HMCN1: variants seen among roughly 807,000 people sequenced by gnomAD.
HMCN1 encodes hemicentin 1.
Under a neutral mutation model 625.9 loss-of-function variants are expected in HMCN1, and 321 were observed. The observed-to-expected ratio is 0.51, with a 90% CI of 0.47 to 0.56. The LOEUF (loss-of-function observed/expected upper bound fraction) is 0.56. Among genes scored for constraint, HMCN1 ranks in the 20% least tolerant of loss-of-function variants. The probability of loss-of-function intolerance (pLI) is 0.00; values close to 1 mark genes in which losing one functional copy is unlikely to be tolerated. For missense variants in HMCN1, 6,588 were observed against 6,887.3 expected (o/e 0.96, Z 1.54); for synonymous variants, 2,425 against 2,417.6 (o/e 1.00, Z -0.09).
intron 42 of HMCN1, among the ~76,000 whole-genome samples, chr1:186,052,138 TAA>T (rs1473256033): frequency 6.6e-6 from 1 of 151,358 alleles, no homozygotes. Flanking sequence ...TTACAGATGG[TAA>T]AAAGAGAGAG....
chr1:185,758,335 T>C (rs185619862), intron 1 of HMCN1, among the ~76,000 whole-genome samples: 1 of 152,294 alleles, frequency 6.6e-6, no homozygotes, highest in African/African-American at 2.4e-5. Context: ...ATGACATTCA[T>C]GATTTAAAAC....
intron 50 of HMCN1, 100 bp from the exon 51 acceptor site, chr1:186,069,563 A>G: frequency 1.3e-6 from 1 of 761,622 alleles, no homozygotes; most frequent in East Asian, 2.7e-5. Context: ...CATATGTAAA[A>G]AGAAATATGT....
At chr1:186,132,276 T>C (rs1661978554) in intron 85 of HMCN1, 52 bp from the exon 86 acceptor site, 3 of 1,270,436 alleles carry the variant, frequency 2.4e-6, no homozygotes, top group Non-Finnish European at 3.4e-6. Flanking sequence ...AAAAAGTGAT[T>C]GCCCTGCTCT....
At position 185,963,872 on chromosome 1, in the gene HMCN1, A is replaced by G. The variant is rs998676804; in HGVS notation, c.2075A>G (p.Gln692Arg). The G allele has an allele frequency of 3.1e-6, 5 of 1,612,326 alleles. No individual in the cohort carries two copies. Among genetic ancestry groups the G allele is most frequent in the Non-Finnish European group, 4.2e-6 (5 of 1,178,600 alleles). ...LASNSAGTDK[Q>R]NSTLRYIEAP... The stretch of plus-strand genomic sequence containing the variant: ...AGTAATTCAGCTGGAACAGATAAAC[A>G]GAATTCTACTCTCAGATACATTGGC... The change falls in exon 13 of 107, where the codon CAG becomes CGG. Residue 692 changes from glutamine to arginine, a missense_variant. Physicochemically the swap from Gln to Arg is conservative, Grantham distance 43. Around this residue, in one of 3 missense-constraint regions of HMCN1, gnomAD observed 4,628 missense variants for 4,853.1 expected, o/e 0.95. Transcript: ENST00000271588.
At chr1:185,749,718 G>A (rs1654664375) in intron 1 of HMCN1, among the ~76,000 whole-genome samples, 1 of 152,192 alleles carries the variant, frequency 6.6e-6, no homozygotes, top group Non-Finnish European at 1.5e-5. Flanking sequence ...TCTAGCCTGA[G>A]CCACTTTAAC....
chr1:185,804,102 G>C (rs1300137778), intron 1 of HMCN1, among the ~76,000 whole-genome samples: 1 of 151,926 alleles, frequency 6.6e-6, no homozygotes, highest in African/African-American at 2.4e-5. Flanking sequence ...GAGTTTACTA[G>C]TCAGATTTTT....
intron 85 of HMCN1, among the ~76,000 whole-genome samples, chr1:186,131,992 A>G (rs1661961883): frequency 6.6e-6 from 1 of 152,042 alleles, no homozygotes; most frequent in African/African-American, 2.4e-5. Context: ...TAGCATTAGT[A>G]TTTTTCTTTA....
intron 2 of HMCN1, among the ~76,000 whole-genome samples, chr1:185,848,494 C>T (rs1661971729): frequency 6.6e-6 from 1 of 152,058 alleles, no homozygotes; most frequent in Non-Finnish European, 1.5e-5. Flanking sequence ...GAAACTGGCT[C>T]CTTTTTGTTT....
chr1:186,128,183 C>T lies in HMCN1; in HGVS notation c.12796C>T (p.Pro4266Ser), dbSNP rs1661741805. 6 of 1,613,548 alleles carry T rather than the reference C, an allele frequency of 3.7e-6. No homozygotes were observed. In the African/African-American group the frequency reaches 6.7e-5, roughly 18 times the overall value. ...VHVLPTFTEL[P>S]GDVSLNKGEQ... is the part of the protein sequence containing the mutation. ...TGTTCTCCCCACTTTTACTGAACTT[C>T]CTGGAGACGTGTCATTAAATAAAGG... The change falls in exon 83 of 107, where the codon CCT becomes TCT. Residue 4266 changes from proline (P) to serine (S), a missense_variant. Transcript: ENST00000271588.
At chr1:186,122,506 G>A (rs1467675964) in intron 80 of HMCN1, among the ~76,000 whole-genome samples, 2 of 152,062 alleles carry the variant, frequency 1.3e-5, no homozygotes, top group Non-Finnish European at 2.9e-5. Context: ...ATTAAATGTA[G>A]CCACTGTATA....
chr1:185,937,063 A>T (rs1170604776), intron 11 of HMCN1, among the ~76,000 whole-genome samples: 1 of 152,232 alleles, frequency 6.6e-6, no homozygotes, highest in Non-Finnish European at 1.5e-5. Context: ...ATACTGAGGA[A>T]CAAAACAAGG....
At chr1:185,887,774 G>A (rs1258047097) in intron 4 of HMCN1, among the ~76,000 whole-genome samples, 1 of 138,766 alleles carries the variant, frequency 7.2e-6, no homozygotes, top group Admixed American at 7.0e-5. Flanking sequence ...ACATACGTGT[G>A]CATGTGTCTT....
At chr1:186,001,006 A>T (rs1037672591) in intron 26 of HMCN1, among the ~76,000 whole-genome samples, 1 of 152,092 alleles carries the variant, frequency 6.6e-6, no homozygotes, top group Admixed American at 6.6e-5. Flanking sequence ...TTAAGACCCC[A>T]TAAGCTTGTA....
In HMCN1 at chr1:186,186,401, C is replaced by T. The variant is rs188868807; in HGVS notation, c.16415-1482C>T. ...AATTAGCCAGGCATGGTGACGCATG[C>T]CTGTAGTCTCAGCTACTCTGGTAGC... On this transcript the variant is annotated intron_variant, in intron 105 of 106. Coordinates refer to ENST00000271588, the MANE Select transcript of HMCN1 (RefSeq NM_031935.3). 1.7e-3 allele frequency among the ~76,000 whole-genome samples: 263 copies of T among 152,244 alleles called. 1 individual carries two copies. The highest frequency in any genetic ancestry group is 2.9e-3 in the Non-Finnish European group (199 of 68,018).
intron 48 of HMCN1, among the ~76,000 whole-genome samples, chr1:186,063,066 G>GTATATATATATATATA (rs1491400415): frequency 5.7e-4 from 17 of 29,918 alleles, no homozygotes; most frequent in African/African-American, 1.5e-3. Flanking sequence ...GTGTGTGTGT[G>GTATATATATATATATA]CATATATATA....
Position 185,990,432 on chromosome 1 carries a change from G to T in HMCN1, c.3366G>T (p.Pro1122=), listed in dbSNP as rs199798509. ...CCAAAGAAACCCAGCTCATCTCACC[G>T]TTCTCTCCAAGGTAGGAGATCTGGG... ...TWAKETQLIS[P]FSPRHTFLPS... is the part of the protein sequence containing the mutation. Residue 1122 remains proline (P), a synonymous_variant, in exon 22 of 107, where the codon CCG becomes CCT. Transcript: ENST00000271588. 1 of 1,613,828 alleles carries T rather than the reference G, an allele frequency of 6.2e-7. No individual in the cohort carries two copies. Among genetic ancestry groups the T allele is most frequent in the Non-Finnish European group, 8.5e-7 (1 of 1,179,802 alleles).
At chr1:185,923,322 A>G in intron 7 of HMCN1, 68 bp from the exon 8 acceptor site, 1 of 1,203,584 alleles carries the variant, frequency 8.3e-7, no homozygotes, top group East Asian at 2.4e-5. Flanking sequence ...TATCATGCAA[A>G]TACTTATTTG....
At chr1:186,140,074 G>A (rs1268373321) in intron 89 of HMCN1, among the ~76,000 whole-genome samples, 1 of 152,072 alleles carries the variant, frequency 6.6e-6, no homozygotes, top group Non-Finnish European at 1.5e-5. Context: ...CCTGAAACAA[G>A]GACATTCTCT....
intron 9 of HMCN1, among the ~76,000 whole-genome samples, chr1:185,927,281 TA>T (rs1039108257): frequency 2.2e-4 from 33 of 152,332 alleles, no homozygotes; most frequent in Admixed American, 1.1e-3. Flanking sequence ...TGATGACATT[TA>T]CAAATTTGTG....
Sources: allele counts gnomAD v4.1 joint callset (sites outside exome capture counted in the v4.1 genomes callset), GRCh38; gene constraint gnomAD v4.1.1; regional missense constraint gnomAD v4.1.1; transcripts MANE v1.5; gene names NCBI Gene and HGNC (gene_info 2026-07-23, HGNC 2026-07-21).